The following CFAP299 variants were observed in gnomAD, a reference collection of about 807,000 sequenced individuals.
CFAP299 encodes the protein cilia and flagella associated protein 299.
CFAP299 carries 21 observed loss-of-function variants against 27.0 expected under a neutral mutation model. The observed-to-expected ratio is 0.78, with a 90% confidence interval of 0.55 to 1.12. The LOEUF is 1.12. CFAP299 is among the 50% of genes most tolerant of loss of function. The probability of loss-of-function intolerance (pLI) is 0.00; values close to 1 mark genes in which losing one functional copy is unlikely to be tolerated. For synonymous variants in CFAP299, 104 were observed against 98.1 expected (o/e 1.06, Z -0.36); for missense variants, 310 against 276.6 (o/e 1.12, Z -0.86).
intron 3 of CFAP299, among the ~76,000 whole-genome samples, chr4:80,826,197 A>G (rs999228151): frequency 2.0e-5 from 3 of 151,828 alleles, no homozygotes; most frequent in African/African-American, 7.2e-5. Flanking sequence ...ATCAATCCCC[A>G]TCATAAGCAC....
intron 3 of CFAP299, among the ~76,000 whole-genome samples, chr4:80,784,658 C>T (rs1727137923): frequency 6.6e-6 from 1 of 152,082 alleles, no homozygotes; most frequent in African/African-American, 2.4e-5. Context: ...GCTGGGATTA[C>T]AGGCATGTGC....
intron 2 of CFAP299, among the ~76,000 whole-genome samples, chr4:80,380,505 G>A (rs1328993510): frequency 7.4e-6 from 1 of 136,032 alleles, no homozygotes; most frequent in Non-Finnish European, 1.5e-5. Context: ...TTGGCTCACT[G>A]CAACTTCCAC....
chr4:80,590,948 G>C (rs1006253760), intron 3 of CFAP299, among the ~76,000 whole-genome samples: 124 of 152,024 alleles, frequency 8.2e-4, no homozygotes, highest in African/African-American at 2.9e-3. Flanking sequence ...GTTAAGATTT[G>C]AGCAAGTTGC....
At chr4:80,442,881 A>G (rs1012604961) in intron 2 of CFAP299, among the ~76,000 whole-genome samples, 4 of 152,192 alleles carry the variant, frequency 2.6e-5, no homozygotes, top group Admixed American at 2.6e-4. Context: ...CAGAAACACA[A>G]ACTACCATTG....
chr4:80,715,323 AG>A (rs1278738514), intron 3 of CFAP299, among the ~76,000 whole-genome samples: 4 of 152,066 alleles, frequency 2.6e-5, no homozygotes, highest in Non-Finnish European at 5.9e-5. Context: ...TGTTTAAGAG[AG>A]GGGGAAAAAG....
chr4:80,798,792 C>T (rs1033940017), intron 3 of CFAP299, among the ~76,000 whole-genome samples: 41 of 151,920 alleles, frequency 2.7e-4, no homozygotes, highest in Non-Finnish European at 5.3e-4. Context: ...CATAATCAAA[C>T]GTTTTATGTA....
chr4:80,357,538 T>C (rs1186133190), intron 1 of CFAP299, among the ~76,000 whole-genome samples: 1 of 152,184 alleles, frequency 6.6e-6, no homozygotes, highest in African/African-American at 2.4e-5. Context: ...TGTTCAAGGA[T>C]TCAAGTTCTT....
At chr4:80,879,995 T>C (rs1046935937) in intron 4 of CFAP299, among the ~76,000 whole-genome samples, 44 of 152,348 alleles carry the variant, frequency 2.9e-4, no homozygotes, top group African/African-American at 1.0e-3. Flanking sequence ...TTTGGGATTC[T>C]ATTGTTTAAA....
chr4:80,758,222 G>C (rs750815610), intron 3 of CFAP299, among the ~76,000 whole-genome samples: 138 of 152,294 alleles, frequency 9.1e-4, no homozygotes, highest in Middle Eastern at 6.8e-3. Flanking sequence ...TATTGCTGAG[G>C]AAAGTGGCTT....
chr4:80,458,194 A>AT (rs770058846), intron 2 of CFAP299, among the ~76,000 whole-genome samples: 1 of 152,236 alleles, frequency 6.6e-6, no homozygotes, highest in Non-Finnish European at 1.5e-5. Flanking sequence ...GGGCGCCCCC[A>AT]AAATTCAAGA....
chr4:80,345,706 G>A (rs1329418574), intron 1 of CFAP299, among the ~76,000 whole-genome samples: 1 of 152,044 alleles, frequency 6.6e-6, no homozygotes, highest in African/African-American at 2.4e-5. Context: ...TCAAGTCTTT[G>A]CTTTTGTGAA....
At chr4:80,444,999 C>T (rs939568261) in intron 2 of CFAP299, among the ~76,000 whole-genome samples, 17 of 152,016 alleles carry the variant, frequency 1.1e-4, no homozygotes, top group African/African-American at 3.6e-4. Flanking sequence ...GTTAGAATGG[C>T]GATCCATTAA....
chr4:80,482,717 G>A (rs1407696407), intron 2 of CFAP299, among the ~76,000 whole-genome samples: 4 of 152,134 alleles, frequency 2.6e-5, no homozygotes, highest in Non-Finnish European at 4.4e-5. Flanking sequence ...ATTCTGCAAA[G>A]CATTATTGTC....
chr4:80,833,408 C>A (rs1417813854), intron 3 of CFAP299, among the ~76,000 whole-genome samples: 1 of 151,770 alleles, frequency 6.6e-6, no homozygotes, highest in African/African-American at 2.4e-5. Context: ...CTTTATAGAG[C>A]TATCAATAAC....
At chr4:80,855,562 C>G (rs534556185) in intron 3 of CFAP299, among the ~76,000 whole-genome samples, 12 of 152,164 alleles carry the variant, frequency 7.9e-5, no homozygotes, top group African/African-American at 2.4e-4. Context: ...CCCTCTCCCC[C>G]CAACCCACAA....
In CFAP299 at chr4:80,870,695, T is replaced by G. The variant is rs561074210; in HGVS notation, c.476+560T>G. The G allele has an allele frequency of 4.7e-5, 46 of 985,416 alleles. No homozygotes were observed. In the East Asian group the frequency reaches 4.1e-3, roughly 87 times the overall value. The allele number at this position is 985,416 out of a possible 1,614,324, so 61.0% of individuals were successfully genotyped here. A position where few individuals can be genotyped will look rare whatever the true frequency, so the allele number is the denominator to read the frequency against. On this transcript the variant is annotated intron_variant, in intron 4 of 5. Transcript: ENST00000358105. ...TTCACAGATGGGTTCTTCTACTCCC[T>G]TCTAAATAGCATGCAAGCTAAAACT...
chr4:80,874,189 T>C (rs576983417), intron 4 of CFAP299, among the ~76,000 whole-genome samples: 6 of 152,210 alleles, frequency 3.9e-5, no homozygotes, highest in Non-Finnish European at 8.8e-5. Flanking sequence ...TTATTAATGC[T>C]TTTCCAAATT....
intron 2 of CFAP299, among the ~76,000 whole-genome samples, chr4:80,426,509 T>G (rs1168441680): frequency 6.6e-6 from 1 of 152,210 alleles, no homozygotes; most frequent in Non-Finnish European, 1.5e-5. Context: ...TTTCAGAGAT[T>G]CAGCATTGCT....
intron 3 of CFAP299, among the ~76,000 whole-genome samples, chr4:80,864,806 T>G (rs1299190082): frequency 6.6e-6 from 1 of 152,060 alleles, no homozygotes; most frequent in African/African-American, 2.4e-5. Flanking sequence ...TAGATATTAT[T>G]TATTGAGTGC....
Sources: gnomAD v4.1 joint callset for allele counts (sites outside exome capture counted in the v4.1 genomes callset) on GRCh38, gnomAD v4.1.1 for gene constraint, MANE v1.5 for transcripts, NCBI Gene and HGNC (gene_info 2026-07-23, HGNC 2026-07-21) for gene names.